SRPRA: variants seen among roughly 807,000 people sequenced by gnomAD.
SRPRA encodes the protein signal recognition particle receptor subunit alpha.
SRPRA carries 30 observed loss-of-function variants against 61.1 expected under a neutral mutation model. That is an observed-to-expected ratio of 0.49 (90% confidence interval 0.37 to 0.67). SRPRA has a LOEUF of 0.67. SRPRA is among the 30% of genes least tolerant of loss of function. SRPRA has a pLI of 0.00. For synonymous variants in SRPRA, 324 were observed against 299.7 expected, an observed-to-expected ratio of 1.08 and a Z score of -0.84; for missense variants, 759 against 828.4, an observed-to-expected ratio of 0.92 and a Z score of 1.03.
the SRPRA span, chr11:126,256,550 G>A: frequency 1.9e-6 from 3 of 1,611,472 alleles, no homozygotes; most frequent in Non-Finnish European, 2.5e-6. This position sits in a 1 kb window ranked among gnomAD's most constrained non-coding sequence, Gnocchi z 6.6. Context: ...TCAATATGTT[G>A]TATCTTTTCC....
the SRPRA span, chr11:126,244,932 A>G: frequency 6.6e-6 from 1 of 152,240 alleles, no homozygotes; most frequent in African/African-American, 2.4e-5. This position sits in a 1 kb window ranked among gnomAD's most constrained non-coding sequence, Gnocchi z 4.5. Flanking sequence ...TATTATTAAG[A>G]TGGAATACTC....
chr11:126,244,444 G>T, the SRPRA span, among the ~76,000 whole-genome samples: 1 of 152,170 alleles, frequency 6.6e-6, no homozygotes, highest in African/African-American at 2.4e-5. The surrounding 1 kb of genome is among the most constrained non-coding windows in gnomAD (Gnocchi z 4.5). Context: ...ATACTAAAAT[G>T]AAATATTAAA....
the SRPRA span, chr11:126,254,568 C>G: frequency 8.3e-7 from 1 of 1,202,256 alleles, no homozygotes. Context: ...AGCAGTGGCT[C>G]ATGCCTATAA....
the SRPRA span, among the ~76,000 whole-genome samples, chr11:126,239,413 A>C: frequency 6.6e-6 from 1 of 152,122 alleles, no homozygotes; most frequent in Non-Finnish European, 1.5e-5. Context: ...GAATCCTAGA[A>C]ATTTTCTATG....
At chr11:126,268,547 G>A in intron 1 of SRPRA, 141 bp downstream of exon 1, 1 of 684,122 alleles carries the variant, frequency 1.5e-6, no homozygotes, top group Non-Finnish European at 2.5e-6. Context: ...ACGAGAAAAC[G>A]AAGCGGAGTC....
downstream of SRPRA, among the ~76,000 whole-genome samples, chr11:126,261,764 G>A (rs966511511): frequency 2.0e-5 from 3 of 152,184 alleles, no homozygotes; most frequent in African/African-American, 7.2e-5. Flanking sequence ...TGAGGCAGGA[G>A]GATTGCTTGA....
At chr11:126,239,367 T>C in the SRPRA span, among the ~76,000 whole-genome samples, 90 of 152,302 alleles carry the variant, frequency 5.9e-4, no homozygotes, top group African/African-American at 2.1e-3. Context: ...CCTTATTCTC[T>C]GCTATCCCCA....
rs773396507 is a variant in SRPRA, at chr11:126,264,193, T to C, written c.1786A>G (p.Lys596Glu). The C allele has an allele frequency of 1.2e-6, 2 of 1,613,908 alleles. No homozygotes were observed. Among genetic ancestry groups the C allele is most frequent in the Non-Finnish European group, 1.7e-6 (2 of 1,179,966 alleles). ...CCAGCCTCCAGTCTCACGTTTACCT[T>C]GTCATCAATGGTATCAAATTTGGTA... is the stretch of plus-strand genomic sequence containing the variant. Reference protein sequence around the residue: ...VLTKFDTIDDKVGAAISMTYI... With the variant: ...VLTKFDTIDDEVGAAISMTYI... Residue 596 changes from lysine to glutamate, a missense_variant and splice_region_variant, in exon 13 of 14, where the codon AAG becomes GAG. Transcript: ENST00000332118. The surrounding 1 kb of genome is among the most constrained non-coding windows in gnomAD (Gnocchi z 5.0).
rs993149563 is a variant in SRPRA at position 126,264,135 on chromosome 11, G to C, written c.1788+56C>G. The C allele has an allele frequency of 1.9e-6, 3 of 1,611,690 alleles. No individual in the cohort carries two copies. In the African/African-American group the frequency reaches 4.0e-5, roughly 22 times the overall value. ...GAAGCGCTGGAGCCAAGATTTCCTT[G>C]CAGCCTCAGCTCCTTTGTGCAGGAC... On this transcript the variant is annotated intron_variant, in intron 13 of 13. Transcript: ENST00000332118. This position sits in a 1 kb window ranked among gnomAD's most constrained non-coding sequence, Gnocchi z 5.0.
chr11:126,261,158 A>G, downstream of SRPRA: 1 of 437,416 alleles, frequency 2.3e-6, no homozygotes, highest in Non-Finnish European at 4.2e-6. Flanking sequence ...TGTATGTGAA[A>G]TGTAAAATGT....
Position 126,264,610 on chromosome 11 carries a change from A to G in SRPRA, c.1526-71T>C, listed in dbSNP as rs1427696949. ...ATGCTCGTTCCCAGCTTCCTCTCAA[A>G]AAGTCCTAGTTTGACTACCTGTTCA... On this transcript the variant is annotated intron_variant, in intron 11 of 13. Coordinates refer to ENST00000332118, the MANE Select transcript of SRPRA (RefSeq NM_003139.4). The surrounding 1 kb of genome is among the most constrained non-coding windows in gnomAD (Gnocchi z 5.0). 3.2e-6 allele frequency: 5 copies of G among 1,564,130 alleles called. No individual in the cohort carries two copies. The highest frequency in any genetic ancestry group is 1.4e-5 in the African/African-American group (1 of 73,904).
the SRPRA span, among the ~76,000 whole-genome samples, chr11:126,243,781 G>A: frequency 5.3e-5 from 8 of 151,974 alleles, no homozygotes; most frequent in South Asian, 1.0e-3. Flanking sequence ...GTGCATGCCT[G>A]TAATCCCAGC....
Position 126,264,058 on chromosome 11 carries a change from G to A in SRPRA, c.1789-14C>T. ...AGCAGCTCCCACCTAAGTGGAGAAA[G>A]AGGACAGCCCATCAACACAAGCCCA... On this transcript the variant is annotated splice_polypyrimidine_tract_variant and intron_variant, in intron 13 of 13. Transcript: ENST00000332118. This position sits in a 1 kb window ranked among gnomAD's most constrained non-coding sequence, Gnocchi z 5.0. The A allele has an allele frequency of 6.2e-7, 1 of 1,614,050 alleles. No individual in the cohort carries two copies. Among genetic ancestry groups the A allele is most frequent in the Non-Finnish European group, 8.5e-7 (1 of 1,179,960 alleles).
chr11:126,259,833 G>T (rs893360363), downstream of SRPRA, among the ~76,000 whole-genome samples: 5 of 151,710 alleles, frequency 3.3e-5, no homozygotes, highest in African/African-American at 7.3e-5. Flanking sequence ...CCATTCTCCT[G>T]CCTCAGTCTC....
At chr11:126,240,592 A>G in the SRPRA span, among the ~76,000 whole-genome samples, 14 of 152,140 alleles carry the variant, frequency 9.2e-5, no homozygotes, top group Non-Finnish European at 1.9e-4. Context: ...AAATAGGTTT[A>G]TGACTTGTTT....
the SRPRA span, chr11:126,256,929 G>A: frequency 1.4e-6 from 2 of 1,411,970 alleles, no homozygotes; most frequent in African/African-American, 1.4e-5. This position sits in a 1 kb window ranked among gnomAD's most constrained non-coding sequence, Gnocchi z 6.6. Flanking sequence ...GATGTGATGG[G>A]CAAAATAGTT....
chr11:126,265,154 C>CT lies in SRPRA; in HGVS notation c.1329dup (p.Glu444ArgfsTer12), dbSNP rs1417063628. On this transcript the variant is annotated frameshift_variant, in exon 11 of 14. Transcript: ENST00000332118. LOFTEE classifies it high-confidence loss of function. This position sits in a 1 kb window ranked among gnomAD's most constrained non-coding sequence, Gnocchi z 6.3. ...GCAATGAGGACACTGAAGCCATTCT[C>CT]TAACAACCAGAAGGAAATCTGTGAA... 3.7e-6 allele frequency: 6 copies of CT among 1,614,164 alleles called. No individual in the cohort carries two copies. The highest frequency in any genetic ancestry group is 5.1e-6 in the Non-Finnish European group (6 of 1,180,032).
At chr11:126,241,104 T>C in the SRPRA span, 4 of 1,485,008 alleles carry the variant, frequency 2.7e-6, no homozygotes, top group African/African-American at 4.2e-5. Context: ...CTATCACAAC[T>C]AGCATGATTT....
chr11:126,238,989 T>TC, the SRPRA span, among the ~76,000 whole-genome samples: 1 of 151,348 alleles, frequency 6.6e-6, no homozygotes, highest in Non-Finnish European at 1.5e-5. Context: ...TTTTTTTTTT[T>TC]CGAGACAAGG....
Sources: gnomAD v4.1 joint callset for allele counts (sites outside exome capture counted in the v4.1 genomes callset) on GRCh38, gnomAD v4.1.1 for gene constraint, Gnocchi (gnomAD v3.1) non-coding constraint, MANE v1.5 for transcripts, NCBI Gene and HGNC (gene_info 2026-07-23, HGNC 2026-07-21) for gene names.